Variants in CHTF18 observed in about 807,000 individuals in gnomAD.
CHTF18 encodes the protein chromosome transmission fidelity protein 18 homolog.
In CHTF18, 151 loss-of-function variants were observed where a neutral mutation model predicts 113.4. The observed-to-expected ratio is 1.33, with a 90% confidence interval of 1.17 to 1.52. The LOEUF (loss-of-function observed/expected upper bound fraction) is 1.52, where lower values mean the gene tolerates loss of function less well. Ranked by LOEUF, CHTF18 falls within the 40% of genes most tolerant of loss-of-function variation. The pLI is 0.00. For missense variants in CHTF18, 1,982 were observed against 1,381.6 expected, an observed-to-expected ratio of 1.43 and a Z score of -6.89; for synonymous variants, 916 against 598.8, an observed-to-expected ratio of 1.53 and a Z score of -7.74.
At position 788,670 on chromosome 16, in the gene CHTF18, G is replaced by T; in HGVS notation, c.-15G>T. On this transcript the variant is annotated 5_prime_UTR_variant, in exon 1 of 22. Coordinates refer to ENST00000262315, the MANE Select transcript of CHTF18 (RefSeq NM_022092.3). ...CGCGGGAGGTTCGGAGCGGGAGCTCGGGCTCGCGGACGGTATGGAGGACTA... is the reference window on the plus strand; with the variant it reads ...CGCGGGAGGTTCGGAGCGGGAGCTCTGGCTCGCGGACGGTATGGAGGACTA... The T allele has an allele frequency of 7.2e-6, 11 of 1,521,760 alleles. No homozygotes were observed. Among genetic ancestry groups the T allele is most frequent in the African/African-American group, 1.4e-5 (1 of 69,670 alleles). 94.3% of individuals were successfully genotyped at this position (1,521,760 alleles called of 1,614,324 possible). A position where few individuals can be genotyped will look rare whatever the true frequency, so the allele number is the denominator to read the frequency against.
Position 793,136 on chromosome 16 carries a change from A to T in CHTF18, c.1672-8A>T. 1.9e-6 allele frequency: 3 copies of T among 1,595,544 alleles called. No homozygotes were observed. The highest frequency in any genetic ancestry group is 1.3e-5 in the African/African-American group (1 of 74,594). On this transcript the variant is annotated splice_region_variant and splice_polypyrimidine_tract_variant and intron_variant, in intron 13 of 21. Transcript: ENST00000262315. ...TGGCCGCTTCTCATGCCCCCGCCCT[A>T]TGTCTAGTTCCTGTACAGCCGGGGC...
In CHTF18 at chr16:791,357, G is replaced by A. The variant is rs761282835; in HGVS notation, c.1091G>A (p.Arg364Gln). ...GAGGCTGGGCTGGACCCGAGCCAGCGACCGAAGCAGAAGGTGAGCCCCGCT... is the reference window on the plus strand; with the variant it reads ...GAGGCTGGGCTGGACCCGAGCCAGCAACCGAAGCAGAAGGTGAGCCCCGCT... ...MLEAGLDPSQRPKQKVALLCG... is the reference protein window; with the variant it reads ...MLEAGLDPSQQPKQKVALLCG... The change falls in exon 8 of 22, where the codon CGA becomes CAA. Residue 364 changes from arginine (R) to glutamine (Q), a missense_variant. Physicochemically the swap from Arg to Gln is conservative, Grantham distance 43. Coordinates refer to ENST00000262315, the MANE Select transcript of CHTF18 (RefSeq NM_022092.3). The A allele has an allele frequency of 1.2e-5, 19 of 1,602,882 alleles. No homozygotes were observed. Among genetic ancestry groups the A allele is most frequent in the African/African-American group, 5.3e-5 (4 of 74,862 alleles).
intron 20 of CHTF18, 42 bp from the exon 21 acceptor site, chr16:797,652 G>T (rs781389420): frequency 6.2e-7 from 1 of 1,602,848 alleles, no homozygotes; most frequent in African/African-American, 1.3e-5. Flanking sequence ...GGCTGGATGG[G>T]GCATCTGTCC....
rs1296882436 is a variant in CHTF18 at position 797,691 on chromosome 16, C to T, written c.2734-3C>T. 2.5e-6 allele frequency: 4 copies of T among 1,611,282 alleles called. No homozygotes were observed. Among genetic ancestry groups the T allele is most frequent in the African/African-American group, 1.3e-5 (1 of 74,604 alleles). On this transcript the variant is annotated splice_polypyrimidine_tract_variant and splice_region_variant and intron_variant, in intron 20 of 21. Transcript: ENST00000262315. Reference sequence around the variant, plus strand: ...ACGACTGACTAGTCCTTCCTCCCATCAGCCTGAGAAGGACTTCTTTGGACG... The same window carrying T: ...ACGACTGACTAGTCCTTCCTCCCATTAGCCTGAGAAGGACTTCTTTGGACG...
rs1032300055 is a variant in CHTF18 at position 789,888 on chromosome 16, C to T, written c.606+173C>T. On this transcript the variant is annotated intron_variant, in intron 4 of 21. Transcript: ENST00000262315. ...AGACTTAGAGGACACAGCCTCCCCA[C>T]AGCAGGTTGCTGTCCAGCCTGTTTG... The T allele has an allele frequency of 1.7e-5, 23 of 1,355,880 alleles. No individual in the cohort carries two copies. The East Asian group carries it at 3.5e-4, about 21-fold the overall frequency. 84.0% of individuals were successfully genotyped at this position (1,355,880 alleles called of 1,614,324 possible).
At chr16:792,858 C>T (rs765597170) in intron 12 of CHTF18, 47 bp downstream of exon 12, 111 of 1,529,738 alleles carry the variant, frequency 7.3e-5, no homozygotes, top group South Asian at 1.4e-4. Flanking sequence ...GGGTTGGGGG[C>T]GTGGCCTCGT....
intron 1 of CHTF18, 61 bp from the exon 2 acceptor site, chr16:788,870 C>T: frequency 1.3e-6 from 2 of 1,505,032 alleles, no homozygotes; most frequent in Non-Finnish European, 1.8e-6. Context: ...GGGGCCTCCA[C>T]GTCGCCGCTG....
intron 7 of CHTF18, 37 bp downstream of exon 7, chr16:790,703 C>T (rs765262045): frequency 3.9e-5 from 59 of 1,496,980 alleles, no homozygotes; most frequent in African/African-American, 2.8e-4. Context: ...GGCTGGCTTC[C>T]TCTGTTCCCA....
intron 21 of CHTF18, 36 bp downstream of exon 21, chr16:797,787 TG>T: frequency 5.8e-6 from 2 of 342,578 alleles, no homozygotes; most frequent in Non-Finnish European, 4.5e-6. Flanking sequence ...GTGGGGGGCC[TG>T]GGGGTTGTGG....
intron 15 of CHTF18, 44 bp downstream of exon 15, chr16:794,245 A>G: frequency 6.3e-7 from 1 of 1,596,954 alleles, no homozygotes; most frequent in Non-Finnish European, 8.6e-7. Context: ...CCGCCTGGCT[A>G]GGACCTGGGC....
At position 791,108 on chromosome 16, in the gene CHTF18, G is replaced by A. The variant is rs771155658; in HGVS notation, c.895-53G>A. Reference sequence around the variant, plus strand: ...GCTCATGGTGGCAGGTGGACTGTCCGTGCCTGGAGGCGGTGCCCTCAGGCT... The same window carrying A: ...GCTCATGGTGGCAGGTGGACTGTCCATGCCTGGAGGCGGTGCCCTCAGGCT... On this transcript the variant is annotated intron_variant, in intron 7 of 21. Transcript: ENST00000262315. The A allele has an allele frequency of 8.3e-6, 13 of 1,559,698 alleles. No individual in the cohort carries two copies. In the East Asian group the frequency reaches 1.2e-4, roughly 14 times the overall value.
In CHTF18 at chr16:795,802, C is replaced by T. The variant is rs756453719; in HGVS notation, c.2293C>T (p.Leu765Phe). The change falls in exon 17 of 22, where the codon CTC (leucine) becomes TTC (phenylalanine). Residue 765 changes from leucine to phenylalanine, a missense_variant. By Grantham distance (22) the Leu-to-Phe change is conservative (BLOSUM62 0). Transcript: ENST00000262315. ...QALLLDALCLLLDILAPKLRP... is the reference protein window; with the variant it reads ...QALLLDALCLFLDILAPKLRP... Reference sequence around the variant, plus strand: ...CCTGCTCCTCGATGCCCTCTGCCTGCTCCTGGACATTCTTGCACCCAAGCT... The same window carrying T: ...CCTGCTCCTCGATGCCCTCTGCCTGTTCCTGGACATTCTTGCACCCAAGCT... The T allele has an allele frequency of 3.1e-6, 5 of 1,610,170 alleles. No individual in the cohort carries two copies. The highest frequency in any genetic ancestry group is 3.4e-6 in the Non-Finnish European group (4 of 1,179,108).
At position 792,212 on chromosome 16, in the gene CHTF18, T is replaced by A; in HGVS notation, c.1203-12T>A. ...CCCACTGCCCTGACGACCCCTGACC[T>A]CCCCATTGCAGTGACGACCGTAGCC... On this transcript the variant is annotated splice_polypyrimidine_tract_variant and intron_variant, in intron 9 of 21. Transcript: ENST00000262315. 6.4e-7 allele frequency: 1 copy of A among 1,568,212 alleles called. No homozygotes were observed. The highest frequency in any genetic ancestry group is 8.6e-7 in the Non-Finnish European group (1 of 1,157,038).
chr16:793,808 C>T (rs1462312966), intron 14 of CHTF18: 2 of 652,878 alleles, frequency 3.1e-6, no homozygotes, highest in African/African-American at 1.8e-5. Context: ...CTGGGGTCCC[C>T]TAACCCCAGA....
In CHTF18 at chr16:793,147, C is replaced by T. The variant is rs552594196; in HGVS notation, c.1675C>T (p.Leu559=). ...IRACINTLQF[L]YSRGQRELSV... ...CATGCCCCCGCCCTATGTCTAGTTC[C>T]TGTACAGCCGGGGCCAGCGGGAGCT... is the stretch of plus-strand genomic sequence containing the variant. Residue 559 remains leucine (L), a synonymous_variant, in exon 14 of 22, where the codon CTG becomes TTG. Transcript: ENST00000262315. 1.8e-4 allele frequency: 281 copies of T among 1,601,286 alleles called. 1 individual carries two copies. Among genetic ancestry groups the T allele is most frequent in the Non-Finnish European group, 2.2e-4 (263 of 1,175,320 alleles).
intron 9 of CHTF18, 33 bp downstream of exon 9, chr16:791,981 T>G (rs1386258057): frequency 6.3e-7 from 1 of 1,581,492 alleles, no homozygotes; most frequent in South Asian, 1.2e-5. Context: ...CTGGCTCGCC[T>G]TCTGTCCTGA....
Position 788,912 on chromosome 16 carries a change from C to G in CHTF18, c.92-19C>G. 6.6e-7 allele frequency: 1 copy of G among 1,524,816 alleles called. No individual in the cohort carries two copies. The allele number at this position is 1,524,816 out of a possible 1,614,324, so 94.5% of individuals were successfully genotyped here. A position where few individuals can be genotyped will look rare whatever the true frequency, so the allele number is the denominator to read the frequency against. On this transcript the variant is annotated intron_variant, in intron 1 of 21. Coordinates refer to ENST00000262315, the MANE Select transcript of CHTF18 (RefSeq NM_022092.3). ...TCTGCTGTCTCGGGGCGGCCGCTGA[C>G]AATCTCCTCTCCCAGCAGGGGCGTC...
At chr16:794,998 T>G in intron 15 of CHTF18, 134 bp from the exon 16 acceptor site, 3 of 695,882 alleles carry the variant, frequency 4.3e-6, no homozygotes, top group Non-Finnish European at 7.2e-6. Flanking sequence ...TGGGGACCCT[T>G]GTGGAGGGTC....
At chr16:797,220 G>A (rs2151651368) in intron 20 of CHTF18, 128 bp downstream of exon 20, 3 of 1,166,154 alleles carry the variant, frequency 2.6e-6, no homozygotes, top group Non-Finnish European at 3.4e-6. Flanking sequence ...GTGTGGCTAG[G>A]GCCCCTCATG....
Sources: allele counts gnomAD v4.1 joint callset, GRCh38; gene constraint gnomAD v4.1.1; transcripts MANE v1.5; gene names NCBI Gene and HGNC (gene_info 2026-07-23, HGNC 2026-07-21).